NLGN4Y: variants seen among roughly 807,000 people sequenced by gnomAD.
NLGN4Y encodes neuroligin-4, Y-linked.
In NLGN4Y, 4 loss-of-function variants were observed where a neutral mutation model predicts 8.4. The observed-to-expected ratio is 0.48, with a 90% CI of 0.23 to 1.09. The LOEUF is 1.09. Ranked by LOEUF, NLGN4Y falls within the 50% of genes least tolerant of loss-of-function variation. NLGN4Y has a pLI of 0.19. For synonymous variants in NLGN4Y, 35 were observed against 75.6 expected (o/e 0.46, Z 2.78); for missense variants, 90 against 192.3 (o/e 0.47, Z 3.15).
At chrY:14,581,503 G>A in intron 1 of NLGN4Y, among the ~76,000 whole-genome samples, 1 of 33,673 alleles carries the variant, frequency 3.0e-5, no homozygotes, top group South Asian at 6.6e-4. Context: ...AGCCCATTGT[G>A]TATGGCCCAT....
intron 4 of NLGN4Y, chrY:14,751,742 C>T (rs2081042209): frequency 6.6e-5 from 2 of 30,389 alleles, no homozygotes; most frequent in Non-Finnish European, 1.6e-4. Flanking sequence ...TCACTGCAAC[C>T]TCTGCTTCCC....
intron 2 of NLGN4Y, among the ~76,000 whole-genome samples, chrY:14,660,719 T>A (rs2080671884): frequency 3.1e-5 from 1 of 32,443 alleles, no homozygotes; most frequent in African/African-American, 1.2e-4. Flanking sequence ...ACTAATAATA[T>A]TTAATAATAA....
chrY:14,617,830 C>T, intron 1 of NLGN4Y, among the ~76,000 whole-genome samples: 1 of 32,189 alleles, frequency 3.1e-5, no homozygotes, highest in Non-Finnish European at 7.5e-5. Context: ...AGTCTGGCCA[C>T]AGATGCTTTG....
At chrY:14,632,364 C>T (rs945729944) in intron 2 of NLGN4Y, among the ~76,000 whole-genome samples, 1 of 33,743 alleles carries the variant, frequency 3.0e-5, no homozygotes, top group Non-Finnish European at 7.3e-5. Context: ...TTTTTGAGCT[C>T]CTGTTGTCAA....
At chrY:14,615,094 T>C (rs2080483760) in intron 1 of NLGN4Y, among the ~76,000 whole-genome samples, 1 of 33,591 alleles carries the variant, frequency 3.0e-5, no homozygotes, top group African/African-American at 1.2e-4. Context: ...TCCATTTGTC[T>C]TTGTCCTCTT....
intron 1 of NLGN4Y, among the ~76,000 whole-genome samples, chrY:14,554,982 C>T (rs2080206688): frequency 3.0e-5 from 1 of 33,405 alleles, no homozygotes; most frequent in Non-Finnish European, 7.4e-5. Flanking sequence ...CAAAGCAAAA[C>T]ACATTGAGTC....
rs374234747 is a variant in NLGN4Y at position 14,712,102 on chromosome Y, A to G, written c.473-7357A>G. On this transcript the variant is annotated intron_variant, in intron 2 of 6. Coordinates refer to ENST00000684976, the MANE Select transcript of NLGN4Y (RefSeq NM_001365588.1). Reference sequence around the variant, plus strand: ...AAAAAAAAAAAAAGCCTGCCATCTTATACGTATTTCTATTGGTCCTGTACC... The same window carrying G: ...AAAAAAAAAAAAAGCCTGCCATCTTGTACGTATTTCTATTGGTCCTGTACC... 4.2e-3 allele frequency among the ~76,000 whole-genome samples: 129 copies of G among 30,690 alleles called. No individual in the cohort carries two copies. The East Asian group carries it at 0.092, about 22-fold the overall frequency. 82.3% of individuals were successfully genotyped at this position (30,690 alleles called of 37,273 possible). A position where few individuals can be genotyped will look rare whatever the true frequency, so the allele number is the denominator to read the frequency against.
At chrY:14,826,338 C>CTT (rs1219462661) in intron 5 of NLGN4Y, among the ~76,000 whole-genome samples, 2 of 22,069 alleles carry the variant, frequency 9.1e-5, no homozygotes, top group African/African-American at 4.0e-4. Context: ...TCTTTCTTTT[C>CTT]TTTTTTTTTT....
intron 1 of NLGN4Y, among the ~76,000 whole-genome samples, chrY:14,540,302 T>TA (rs2080145828): frequency 6.3e-5 from 2 of 31,852 alleles, no homozygotes; most frequent in Non-Finnish European, 1.5e-4. Context: ...AGGGCATCTC[T>TA]AAAAAAAAGG....
At chrY:14,579,112 A>G in intron 1 of NLGN4Y, among the ~76,000 whole-genome samples, 1 of 34,362 alleles carries the variant, frequency 2.9e-5, no homozygotes, top group African/African-American at 1.1e-4. Context: ...TGAAGTAATT[A>G]AGACATCAGA....
chrY:14,795,256 A>G (rs904076410), intron 4 of NLGN4Y, among the ~76,000 whole-genome samples: 6 of 33,818 alleles, frequency 1.8e-4, no homozygotes, highest in Non-Finnish European at 3.7e-4. Flanking sequence ...CACATAAATA[A>G]ATGTTTATCT....
chrY:14,708,151 T>A, intron 2 of NLGN4Y, among the ~76,000 whole-genome samples: 2 of 33,637 alleles, frequency 5.9e-5, no homozygotes, highest in African/African-American at 2.3e-4. Flanking sequence ...ATCGAAATTA[T>A]TTTTTACCAT....
chrY:14,787,368 A>G (rs2042971406), intron 4 of NLGN4Y, among the ~76,000 whole-genome samples: 1 of 32,279 alleles, frequency 3.1e-5, no homozygotes, highest in Admixed American at 2.9e-4. Flanking sequence ...TTTATGCCCT[A>G]TTTATTTGTG....
chrY:14,539,508 T>G (rs2080141891), intron 1 of NLGN4Y, among the ~76,000 whole-genome samples: 2 of 32,770 alleles, frequency 6.1e-5, no homozygotes, highest in Non-Finnish European at 1.5e-4. Context: ...TTTTTGACAT[T>G]TAGGTTATTT....
At chrY:14,554,199 ATTTTTTTTT>A (rs1569355926) in intron 1 of NLGN4Y, among the ~76,000 whole-genome samples, 1 of 7,786 alleles carries the variant, frequency 1.3e-4, no homozygotes, top group Admixed American at 1.4e-3. Flanking sequence ...TTTTTCCTCT[ATTTTTTTTT>A]TTTTTTTTTT....
chrY:14,659,239 A>G, intron 2 of NLGN4Y, among the ~76,000 whole-genome samples: 4 of 32,911 alleles, frequency 1.2e-4, no homozygotes, highest in Non-Finnish European at 3.0e-4. Context: ...CACACCTGTC[A>G]CTTTTAACGC....
At chrY:14,833,333 T>C (rs994427342) in intron 6 of NLGN4Y, among the ~76,000 whole-genome samples, 4 of 33,381 alleles carry the variant, frequency 1.2e-4, no homozygotes, top group African/African-American at 4.7e-4. Flanking sequence ...TACATCCTCA[T>C]CAGCTGACAG....
At chrY:14,762,216 G>T (rs1008345437) in intron 4 of NLGN4Y, among the ~76,000 whole-genome samples, 1 of 33,927 alleles carries the variant, frequency 2.9e-5, no homozygotes, top group Non-Finnish European at 7.3e-5. Context: ...TTCTGTAAGA[G>T]ATATCTGATA....
intron 2 of NLGN4Y, chrY:14,640,240 T>C: frequency 8.1e-6 from 1 of 122,949 alleles, no homozygotes; most frequent in Non-Finnish European, 1.7e-5. Flanking sequence ...GGGGGCTCTT[T>C]TGGCATAGAC....
Sources: allele counts gnomAD v4.1 joint callset (sites outside exome capture counted in the v4.1 genomes callset), GRCh38; gene constraint gnomAD v4.1.1; transcripts MANE v1.5; gene names NCBI Gene and HGNC (gene_info 2026-07-23, HGNC 2026-07-21).